The following LARGE1 variants were observed in gnomAD, a reference collection of about 807,000 sequenced individuals.
LARGE1 encodes xylosyl- and glucuronyltransferase LARGE1.
LARGE1 carries 43 observed loss-of-function variants against 87.6 expected under a neutral mutation model. That is an observed-to-expected ratio of 0.49 (90% CI 0.38 to 0.63). The LOEUF (loss-of-function observed/expected upper bound fraction) is 0.63, where lower values mean the gene tolerates loss of function less well. LARGE1 is among the 30% of genes least tolerant of loss of function. LARGE1 has a pLI of 0.00. For synonymous variants in LARGE1, 434 were observed against 394.6 expected (o/e 1.10, Z -1.18); for missense variants, 802 against 1,000.2 (o/e 0.80, Z 2.67).
chr22:33,650,620 G>A lies in LARGE1; in HGVS notation c.155C>T (p.Pro52Leu). 6.2e-7 allele frequency: 1 copy of A among 1,603,886 alleles called. No homozygotes were observed. The highest frequency in any genetic ancestry group is 1.8e-4 in the Middle Eastern group (1 of 5,570). The part of the protein sequence containing the change: ...LSPLESQAHS[P>L]RYTASSQRER... ...CCGCTGGCTGGAGGCCGTGTACCTG[G>A]GGCTGTGTGCCTGGGACTCCAGCGG... is the stretch of plus-strand genomic sequence containing the variant. Residue 52 changes from proline (P) to leucine (L), a missense_variant, in exon 3 of 15, where the codon CCC (proline) becomes CTC (leucine). By Grantham distance (98) the Pro-to-Leu change is moderately conservative (BLOSUM62 -3). This residue lies in a region of LARGE1 where 177 missense variants were observed against 158.3 expected (regional missense o/e 1.12). Transcript: ENST00000397394.
At chr22:33,500,888 G>C (rs1327297090) in intron 6 of LARGE1, among the ~76,000 whole-genome samples, 1 of 152,194 alleles carries the variant, frequency 6.6e-6, no homozygotes, top group Non-Finnish European at 1.5e-5. Context: ...AGGAAGGATT[G>C]CTAGCCCCAG....
intron 6 of LARGE1, among the ~76,000 whole-genome samples, chr22:33,559,690 C>T (rs536501848): frequency 5.1e-4 from 77 of 152,232 alleles, no homozygotes; most frequent in South Asian, 1.0e-3. Flanking sequence ...CATCTGCCCA[C>T]GCTGACAGAG....
intron 4 of LARGE1, among the ~76,000 whole-genome samples, chr22:33,622,903 T>A (rs2079800670): frequency 6.6e-6 from 1 of 152,224 alleles, no homozygotes; most frequent in Admixed American, 6.5e-5. Flanking sequence ...ACTACCGCTA[T>A]TTTTTAATTT....
At chr22:33,071,918 A>G in the LARGE1 span, among the ~76,000 whole-genome samples, 2 of 152,174 alleles carry the variant, frequency 1.3e-5, no homozygotes, top group East Asian at 3.8e-4. Flanking sequence ...ACGTGGGGCT[A>G]TCAAGCCTCT....
chr22:33,398,605 T>A (rs2065830859), intron 7 of LARGE1, among the ~76,000 whole-genome samples: 1 of 152,130 alleles, frequency 6.6e-6, no homozygotes, highest in African/African-American at 2.4e-5. Context: ...TTCTTATGGG[T>A]TGAATTATGT....
chr22:33,819,140 C>CA (rs1287587894), intron 1 of LARGE1, among the ~76,000 whole-genome samples: 1 of 152,180 alleles, frequency 6.6e-6, no homozygotes, highest in Non-Finnish European at 1.5e-5. Context: ...TCCCAGATGT[C>CA]AAACCACTTC....
At chr22:33,633,349 A>G (rs909059451) in intron 3 of LARGE1, among the ~76,000 whole-genome samples, 1 of 152,168 alleles carries the variant, frequency 6.6e-6, no homozygotes, top group Non-Finnish European at 1.5e-5. Flanking sequence ...ACCACACAAG[A>G]GCAACCAGTG....
intron 3 of LARGE1, among the ~76,000 whole-genome samples, chr22:33,646,266 T>C (rs2080608348): frequency 6.6e-6 from 1 of 152,204 alleles, no homozygotes; most frequent in South Asian, 2.1e-4. Context: ...TAAAAAAGAA[T>C]GAGTTCATGT....
At chr22:33,145,419 T>C in the LARGE1 span, among the ~76,000 whole-genome samples, 1 of 152,160 alleles carries the variant, frequency 6.6e-6, no homozygotes, top group Non-Finnish European at 1.5e-5. Context: ...CACCCTCGTG[T>C]ATACCACTTT....
intron 4 of LARGE1, among the ~76,000 whole-genome samples, chr22:33,621,639 C>T (rs2079758198): frequency 1.3e-5 from 2 of 152,274 alleles, no homozygotes; most frequent in East Asian, 1.9e-4. Context: ...AGTTAATCCC[C>T]ATAATGTGCT....
At chr22:33,481,744 G>A (rs1419498638) in intron 6 of LARGE1, among the ~76,000 whole-genome samples, 1 of 152,160 alleles carries the variant, frequency 6.6e-6, no homozygotes, top group Non-Finnish European at 1.5e-5. Flanking sequence ...GATATTCCCT[G>A]GGTAAACCTT....
At chr22:33,072,174 C>A in the LARGE1 span, among the ~76,000 whole-genome samples, 1 of 152,076 alleles carries the variant, frequency 6.6e-6, no homozygotes, top group Non-Finnish European at 1.5e-5. Context: ...GAGATCTGCT[C>A]AAAAATGCCT....
chr22:33,546,937 G>C (rs763521780), intron 6 of LARGE1, among the ~76,000 whole-genome samples: 1 of 152,230 alleles, frequency 6.6e-6, no homozygotes, highest in Non-Finnish European at 1.5e-5. Flanking sequence ...ATGAGGAACA[G>C]TGCTTCAAAA....
At chr22:33,467,704 G>C (rs1255556488) in intron 6 of LARGE1, among the ~76,000 whole-genome samples, 2 of 152,332 alleles carry the variant, frequency 1.3e-5, no homozygotes, top group South Asian at 2.1e-4. Flanking sequence ...CATTTAGTGA[G>C]ACAGATGGGG....
At chr22:33,516,584 C>CTATTAT (rs141343639) in intron 6 of LARGE1, among the ~76,000 whole-genome samples, 9 of 151,332 alleles carry the variant, frequency 5.9e-5, no homozygotes, top group African/African-American at 9.7e-5. Context: ...CAACTTCCTC[C>CTATTAT]TATTATTATT....
intron 9 of LARGE1, among the ~76,000 whole-genome samples, chr22:33,348,796 T>C (rs1940069062): frequency 6.6e-6 from 1 of 152,052 alleles, no homozygotes; most frequent in Admixed American, 6.5e-5. Flanking sequence ...GGTTTGGCTG[T>C]GTCCCCACCC....
intron 11 of LARGE1, among the ~76,000 whole-genome samples, chr22:33,183,638 A>ACGCG (rs1555880694): frequency 5.5e-5 from 6 of 108,940 alleles, no homozygotes; most frequent in Non-Finnish European, 1.3e-4. Context: ...ACACACACAC[A>ACGCG]CACACACACA....
intron 1 of LARGE1, among the ~76,000 whole-genome samples, chr22:33,784,997 A>G (rs556134430): frequency 7.3e-5 from 11 of 150,452 alleles, no homozygotes; most frequent in African/African-American, 1.7e-4. Flanking sequence ...GTGTACGTGT[A>G]TATACATATA....
chr22:33,297,438 G>A (rs1408486717), intron 12 of LARGE1, among the ~76,000 whole-genome samples: 1 of 151,570 alleles, frequency 6.6e-6, no homozygotes, highest in African/African-American at 2.4e-5. Flanking sequence ...GCAAAACTCC[G>A]TCTCTACTGA....
Sources: gnomAD v4.1 joint callset for allele counts (sites outside exome capture counted in the v4.1 genomes callset) on GRCh38, gnomAD v4.1.1 for gene constraint, gnomAD v4.1.1 regional missense constraint, MANE v1.5 for transcripts, NCBI Gene and HGNC (gene_info 2026-07-23, HGNC 2026-07-21) for gene names.